SPG7: variants seen among roughly 807,000 people sequenced by gnomAD.
SPG7 encodes the protein SPG7 matrix AAA peptidase subunit, paraplegin, also known as mitochondrial inner membrane m-AAA protease component paraplegin.
Under a neutral mutation model 81.9 loss-of-function variants are expected in SPG7, and 103 were observed. The ratio of observed to expected loss-of-function variants is 1.26; its 90% CI spans 1.07 to 1.48. The LOEUF is 1.48. Ranked by LOEUF, SPG7 falls within the 40% of genes most tolerant of loss-of-function variation. The pLI is 0.00. For synonymous variants in SPG7, 534 were observed against 444.2 expected (o/e 1.20, Z -2.54); for missense variants, 1,241 against 1,087.3 (o/e 1.14, Z -1.99).
rs1365491043 is a variant in SPG7, at chr16:89,508,620, G to C, written c.183+20G>C. ...CTGCAGGTAAATCCCCGCGGAGTCC[G>C]GGCCCCACCTCCCGCCCGGCTCTGC... is the stretch of plus-strand genomic sequence containing the variant. On this transcript the variant is annotated intron_variant, in intron 1 of 16. Transcript: ENST00000645818. 1 of 1,439,096 alleles carries C rather than the reference G, an allele frequency of 6.9e-7. No homozygotes were observed. Among genetic ancestry groups the C allele is most frequent in the Non-Finnish European group, 9.1e-7 (1 of 1,101,900 alleles). The allele number at this position is 1,439,096 out of a possible 1,614,324, so 89.1% of individuals were successfully genotyped here.
chr16:89,524,360 TC>T (rs1037686937), intron 4 of SPG7, 113 bp downstream of exon 4: 204 of 1,195,238 alleles, frequency 1.7e-4, no homozygotes, highest in Admixed American at 2.8e-4. Flanking sequence ...GCTGTTGCCA[TC>T]CTTTTGGATA....
intron 5 of SPG7, 155 bp from the exon 6 acceptor site, chr16:89,529,322 C>A (rs557519423): frequency 3.4e-5 from 23 of 678,090 alleles, no homozygotes; most frequent in South Asian, 1.3e-4. Flanking sequence ...CGAGAGAACC[C>A]ATTTCCACAA....
intron 2 of SPG7, 148 bp from the exon 3 acceptor site, chr16:89,512,800 A>C (rs1472823729): frequency 2.6e-6 from 2 of 755,432 alleles, no homozygotes; most frequent in African/African-American, 3.5e-5. Context: ...GATATGCTTT[A>C]TTTCATATTT....
At chr16:89,522,895 T>C (rs1422587352) in intron 3 of SPG7, 1 of 152,552 alleles carries the variant, frequency 6.6e-6, no homozygotes, top group Non-Finnish European at 1.5e-5. Context: ...CTGGCTTCGC[T>C]GCCTGGCGCT....
chr16:89,526,755 T>C (rs1567908777), intron 5 of SPG7: 3 of 395,202 alleles, frequency 7.6e-6, no homozygotes, highest in Non-Finnish European at 1.4e-5. Flanking sequence ...GCCCCTGATG[T>C]AGATGCCGAA....
At chr16:89,544,369 C>T in intron 9 of SPG7, 1 of 421,730 alleles carries the variant, frequency 2.4e-6, no homozygotes, top group South Asian at 2.1e-5. Flanking sequence ...CACCGTGAGG[C>T]AGGGAGAGGC....
chr16:89,550,112 C>A, intron 12 of SPG7: 1 of 340,740 alleles, frequency 2.9e-6, no homozygotes, highest in Non-Finnish European at 5.8e-6. Flanking sequence ...TTTGACCACA[C>A]GGGGCAGGAG....
At chr16:89,544,821 C>A (rs1260474818) in intron 10 of SPG7, 49 bp downstream of exon 10, 1 of 1,611,058 alleles carries the variant, frequency 6.2e-7, no homozygotes, top group African/African-American at 1.3e-5. Flanking sequence ...GCCGCCCCCA[C>A]TCGCTCTGAG....
At chr16:89,531,585 G>A (rs2058343117) in intron 7 of SPG7, 2 of 383,030 alleles carry the variant, frequency 5.2e-6, no homozygotes, top group African/African-American at 4.2e-5. Flanking sequence ...TGTTGGCCAG[G>A]CTGGTCTCAA....
chr16:89,524,496 C>T (rs1360951604), intron 4 of SPG7, among the ~76,000 whole-genome samples: 2 of 152,154 alleles, frequency 1.3e-5, no homozygotes, highest in Non-Finnish European at 2.9e-5. Flanking sequence ...CAGGCTGAAG[C>T]GCAGTGATGT....
intron 7 of SPG7, 167 bp from the exon 8 acceptor site, chr16:89,531,737 A>C (rs1308425062): frequency 1.5e-6 from 1 of 688,760 alleles, no homozygotes. Context: ...CAGCTACTCG[A>C]GAGGCTGAGG....
intron 10 of SPG7, 137 bp downstream of exon 10, chr16:89,544,909 G>A: frequency 1.8e-6 from 2 of 1,093,286 alleles, no homozygotes. Flanking sequence ...TGTCCAGCGT[G>A]GCCCCCGCAT....
chr16:89,543,816 G>C (rs1348232785), intron 9 of SPG7: 1 of 151,748 alleles, frequency 6.6e-6, no homozygotes, highest in Non-Finnish European at 1.5e-5. Context: ...ACCACACCCG[G>C]CTAATTTTTT....
At chr16:89,527,665 C>T (rs746236127) in intron 5 of SPG7, among the ~76,000 whole-genome samples, 11 of 152,154 alleles carry the variant, frequency 7.2e-5, no homozygotes, top group Non-Finnish European at 1.0e-4. Flanking sequence ...GCTGTCAGCA[C>T]GTATGGACCA....
At chr16:89,511,297 A>G (rs928198195) in intron 2 of SPG7, among the ~76,000 whole-genome samples, 4 of 152,232 alleles carry the variant, frequency 2.6e-5, no homozygotes, top group Admixed American at 2.6e-4. Flanking sequence ...AATACCCTGC[A>G]AATAATTTGC....
In SPG7 at chr16:89,516,086, C is replaced by G. The variant is rs192727063; in HGVS notation, c.376+3049C>G. On this transcript the variant is annotated intron_variant, in intron 3 of 16. Transcript: ENST00000645818. The stretch of plus-strand genomic sequence containing the variant: ...CACTGGAACCTCTGCCTCCTGGGTT[C>G]CAGTGATTCTCCTGCCTCAACCTCA... 1.2e-4 allele frequency among the ~76,000 whole-genome samples: 18 copies of G among 151,960 alleles called. No homozygotes were observed. In the East Asian group the frequency reaches 3.5e-3, roughly 29 times the overall value.
intron 1 of SPG7, 58 bp downstream of exon 1, chr16:89,508,658 A>T: frequency 7.1e-7 from 1 of 1,416,238 alleles, no homozygotes; most frequent in South Asian, 1.5e-5. Context: ...TGTAAGGCCC[A>T]GCCCGGCGGG....
intron 3 of SPG7, among the ~76,000 whole-genome samples, chr16:89,513,756 G>A (rs1567896885): frequency 1.4e-3 from 2 of 1,412 alleles, no homozygotes; most frequent in African/African-American, 1.5e-3. Context: ...CTGGAAATCA[G>A]CGTTGTTAAG....
Position 89,550,520 on chromosome 16 carries a change from T to C in SPG7, c.1690T>C (p.Ser564Pro). ...GACTGCCAAAAAGAGCAAGATCCTG[T>C]CCAAGGAAGAACAGAAAGTGGTTGC... ...AGTAKKSKIL[S>P]KEEQKVVAFH... The change falls in exon 13 of 17, where the codon TCC (serine) becomes CCC (proline). Residue 564 changes from serine to proline, a missense_variant. Transcript: ENST00000645818. The C allele has an allele frequency of 6.2e-7, 1 of 1,613,890 alleles. No individual in the cohort carries two copies. Among genetic ancestry groups the C allele is most frequent in the Non-Finnish European group, 8.5e-7 (1 of 1,179,970 alleles).
Sources: gnomAD v4.1 joint callset for allele counts (sites outside exome capture counted in the v4.1 genomes callset) on GRCh38, gnomAD v4.1.1 for gene constraint, MANE v1.5 for transcripts, NCBI Gene and HGNC (gene_info 2026-07-23, HGNC 2026-07-21) for gene names.